The following ATP2B2 variants were observed in gnomAD, a reference collection of about 807,000 sequenced individuals.
The protein encoded by ATP2B2 is plasma membrane calcium-transporting ATPase 2.
A neutral mutation model predicts 120.0 loss-of-function variants in ATP2B2; 15 were observed. The ratio of observed to expected loss-of-function variants is 0.12; its 90% CI spans 0.08 to 0.19. The LOEUF is 0.19. ATP2B2 is among the 10% of genes least tolerant of loss of function. The pLI, the probability that ATP2B2 is intolerant of heterozygous loss-of-function variation, is 1.00. For missense variants in ATP2B2, 1,045 were observed against 1,719.8 expected, an observed-to-expected ratio of 0.61 and a Z score of 6.94; for synonymous variants, 694 against 700.3, an observed-to-expected ratio of 0.99 and a Z score of 0.14.
chr3:10,647,086 G>C (rs772533082), intron 1 of ATP2B2, among the ~76,000 whole-genome samples: 1 of 152,176 alleles, frequency 6.6e-6, no homozygotes, highest in Non-Finnish European at 1.5e-5. Context: ...AATGGGGGTA[G>C]GGGGAATGGG....
chr3:10,695,250 G>GA, intron 1 of ATP2B2, among the ~76,000 whole-genome samples: 1 of 133,500 alleles, frequency 7.5e-6, no homozygotes, highest in Non-Finnish European at 1.6e-5. Context: ...GAGGGAGGGA[G>GA]GGAGAGAGAG....
chr3:10,522,177 G>A (rs2066996680), intron 3 of ATP2B2, among the ~76,000 whole-genome samples: 2 of 152,200 alleles, frequency 1.3e-5, no homozygotes, highest in Admixed American at 1.3e-4. Flanking sequence ...AAAGTGCAGT[G>A]TCCACCCTCC....
intron 1 of ATP2B2, among the ~76,000 whole-genome samples, chr3:10,456,386 C>G (rs1447168874): frequency 6.6e-6 from 1 of 152,146 alleles, no homozygotes; most frequent in African/African-American, 2.4e-5. Flanking sequence ...GTCTGAAGAT[C>G]CCCAGTGATG....
chr3:10,377,722 A>G (rs768923763), intron 10 of ATP2B2, among the ~76,000 whole-genome samples: 2 of 152,324 alleles, frequency 1.3e-5, no homozygotes, highest in East Asian at 3.9e-4. Flanking sequence ...CAGGGTGGTC[A>G]TGATAAAGCC....
chr3:10,434,917 A>G (rs901169834), intron 2 of ATP2B2, among the ~76,000 whole-genome samples: 1 of 152,178 alleles, frequency 6.6e-6, no homozygotes, highest in Non-Finnish European at 1.5e-5. Context: ...CCTCTTCCTC[A>G]TATTTGGGCC....
chr3:10,471,952 G>A (rs1244184626), intron 1 of ATP2B2, among the ~76,000 whole-genome samples: 2 of 151,690 alleles, frequency 1.3e-5, no homozygotes, highest in African/African-American at 4.8e-5. Flanking sequence ...GTGGTGGCGG[G>A]CGCCTGTAGT....
At position 10,340,214 on chromosome 3, in the gene ATP2B2, C is replaced by A; in HGVS notation, c.3237+28G>T. On this transcript the variant is annotated intron_variant, in intron 21 of 22. Transcript: ENST00000360273. This position sits in a 1 kb window ranked among gnomAD's most constrained non-coding sequence, Gnocchi z 5.0. ...CTGTCTCCCTTGCCCTGCTAACAGGCACCTCCTGCGACCTACCAGGAACTT... is the reference window on the plus strand; with the variant it reads ...CTGTCTCCCTTGCCCTGCTAACAGGAACCTCCTGCGACCTACCAGGAACTT... 6.2e-7 allele frequency: 1 copy of A among 1,606,572 alleles called. No homozygotes were observed. Among genetic ancestry groups the A allele is most frequent in the Non-Finnish European group, 8.5e-7 (1 of 1,174,192 alleles).
intron 2 of ATP2B2, among the ~76,000 whole-genome samples, chr3:10,618,567 C>T (rs113984625): frequency 1.2e-3 from 180 of 152,282 alleles, no homozygotes; most frequent in African/African-American, 4.1e-3. Flanking sequence ...GCAGCAAAAT[C>T]GGAGGAGGAA....
rs749804713 is a variant in ATP2B2 at position 10,545,699 on chromosome 3, T to A, written c.-414-11566A>T. Among the ~76,000 whole-genome samples, 36 of 152,242 alleles carry A rather than the reference T, an allele frequency of 2.4e-4. 1 individual carries two copies. Among genetic ancestry groups the A allele is most frequent in the Non-Finnish European group, 3.2e-4 (22 of 68,046 alleles). Reference sequence around the variant, plus strand: ...CAGACATCATTTGATCATAAAGATGTTCATCATGGTGTTCTCTTATTGTTA... The same window carrying A: ...CAGACATCATTTGATCATAAAGATGATCATCATGGTGTTCTCTTATTGTTA... On this transcript the variant is annotated intron_variant, in intron 2 of 21. Coordinates refer to the ATP2B2 transcript ENST00000646379.
intron 1 of ATP2B2, among the ~76,000 whole-genome samples, chr3:10,672,897 G>A (rs2071135790): frequency 6.6e-6 from 1 of 152,094 alleles, no homozygotes; most frequent in African/African-American, 2.4e-5. Context: ...CATCCCTAGG[G>A]GTCTCAGCCA....
At position 10,343,000 on chromosome 3, in the gene ATP2B2, GCCCA is replaced by G. The variant is rs2060324777; in HGVS notation, c.2704-39_2704-36del. ...GGCAGGAGAGGGCTGTCACCTGTGC[GCCCA>G]CCTGCTGCTGTGAAGTGCTGGGCGG... is the stretch of plus-strand genomic sequence containing the variant. On this transcript the variant is annotated intron_variant, in intron 18 of 22. Coordinates refer to ENST00000360273, the MANE Select transcript of ATP2B2 (RefSeq NM_001001331.4). This position sits in a 1 kb window ranked among gnomAD's most constrained non-coding sequence, Gnocchi z 4.4. The G allele has an allele frequency of 1.2e-6, 2 of 1,601,814 alleles. No individual in the cohort carries two copies. Among genetic ancestry groups the G allele is most frequent in the African/African-American group, 2.7e-5 (2 of 74,670 alleles).
At chr3:10,683,746 A>ATTGTGTGTG (rs1408104149) in intron 1 of ATP2B2, among the ~76,000 whole-genome samples, 2 of 40,856 alleles carry the variant, frequency 4.9e-5, no homozygotes, top group South Asian at 1.2e-3. Context: ...ATGTGTATAT[A>ATTGTGTGTG]TATGTGTGTG....
intron 2 of ATP2B2, among the ~76,000 whole-genome samples, chr3:10,429,997 A>C (rs1001179784): frequency 2.6e-5 from 4 of 152,234 alleles, no homozygotes; most frequent in African/African-American, 9.6e-5. Flanking sequence ...GAAGTGAGGA[A>C]GATGCAGAAG....
intron 1 of ATP2B2, among the ~76,000 whole-genome samples, chr3:10,452,227 C>T (rs921609696): frequency 1.3e-5 from 2 of 152,262 alleles, no homozygotes; most frequent in African/African-American, 4.8e-5. Context: ...GTCCACTACC[C>T]TGTAAGAAGG....
At chr3:10,621,622 T>C (rs189863505) in intron 1 of ATP2B2, among the ~76,000 whole-genome samples, 91 of 152,346 alleles carry the variant, frequency 6.0e-4, no homozygotes, top group Non-Finnish European at 1.1e-3. Context: ...GCTGCGGCCA[T>C]GTCAGGAGAC....
intron 1 of ATP2B2, among the ~76,000 whole-genome samples, chr3:10,505,224 CA>C (rs2066573154): frequency 6.6e-6 from 1 of 152,100 alleles, no homozygotes; most frequent in Non-Finnish European, 1.5e-5. Context: ...CCGTCCCCCA[CA>C]ACACGCGGAC....
At chr3:10,495,462 A>C (rs933059644) in intron 1 of ATP2B2, among the ~76,000 whole-genome samples, 1 of 152,204 alleles carries the variant, frequency 6.6e-6, no homozygotes, top group African/African-American at 2.4e-5. Flanking sequence ...CAGTGGTGAG[A>C]GTAAAGGAAA....
chr3:10,680,889 G>A (rs77034885), intron 1 of ATP2B2, among the ~76,000 whole-genome samples: 4 of 152,154 alleles, frequency 2.6e-5, no homozygotes, highest in Non-Finnish European at 5.9e-5. Flanking sequence ...TCTCCATGTG[G>A]AGGTGGGGCC....
intron 2 of ATP2B2, among the ~76,000 whole-genome samples, chr3:10,420,681 G>C: frequency 6.6e-6 from 1 of 152,326 alleles, no homozygotes; most frequent in South Asian, 2.1e-4. Flanking sequence ...GTTTTTTCAC[G>C]TGCAGCCTGA....
Sources: allele counts gnomAD v4.1 joint callset (sites outside exome capture counted in the v4.1 genomes callset), GRCh38; gene constraint gnomAD v4.1.1; non-coding constraint Gnocchi (gnomAD v3.1); transcripts MANE v1.5; gene names NCBI Gene and HGNC (gene_info 2026-07-23, HGNC 2026-07-21).